RYR1: variants seen among roughly 807,000 people sequenced by gnomAD.
RYR1 encodes the protein central core disease of muscle.
A neutral mutation model predicts 583.5 loss-of-function variants in RYR1; 342 were observed. That is an observed-to-expected ratio of 0.59 (90% confidence interval 0.54 to 0.64). The LOEUF is 0.64. Among genes scored for constraint, RYR1 ranks in the 30% least tolerant of loss-of-function variants. The pLI, the probability that RYR1 is intolerant of heterozygous loss-of-function variation, is 0.00. For synonymous variants in RYR1, 2,791 were observed against 2,822.5 expected (o/e 0.99, Z 0.35); for missense variants, 6,032 against 6,917.2 (o/e 0.87, Z 4.54).
intron 58 of RYR1, among the ~76,000 whole-genome samples, chr19:38,509,667 C>G (rs1013823798): frequency 6.6e-6 from 1 of 151,854 alleles, no homozygotes; most frequent in African/African-American, 2.4e-5. Flanking sequence ...CCATGTTGGC[C>G]AGGATGGTCT....
chr19:38,538,018 G>A (rs1015303238), intron 84 of RYR1, 58 bp downstream of exon 84: 6 of 1,547,446 alleles, frequency 3.9e-6, no homozygotes, highest in East Asian at 2.2e-5. Context: ...GGTACGGAAG[G>A]GTTGACTGAA....
intron 76 of RYR1, among the ~76,000 whole-genome samples, 179 bp from the exon 77 acceptor site, chr19:38,532,311 C>T (rs747695591): frequency 2.2e-4 from 34 of 152,004 alleles, no homozygotes; most frequent in Non-Finnish European, 4.6e-4. Flanking sequence ...TTAGTAGAGA[C>T]GGGGTTTCAC....
chr19:38,469,537 C>T lies in RYR1; in HGVS notation c.3765+24C>T, dbSNP rs886038327. 1 of 1,602,958 alleles carries T rather than the reference C, an allele frequency of 6.2e-7. No homozygotes were observed. Among genetic ancestry groups the T allele is most frequent in the Non-Finnish European group, 8.5e-7 (1 of 1,170,390 alleles). On this transcript the variant is annotated intron_variant, in intron 27 of 105. Coordinates refer to ENST00000359596, the MANE Select transcript of RYR1 (RefSeq NM_000540.3). ...AGGTAAGGACTGAGCCCCTCAATGC[C>T]TTCTCATCTGCCTCCAAAGCTCCTT...
chr19:38,482,974 ACCCT>A, intron 31 of RYR1, 49 bp from the exon 32 acceptor site: 16 of 1,503,280 alleles, frequency 1.1e-5, no homozygotes, highest in Non-Finnish European at 1.5e-5. Context: ...TCCAGAGTCA[ACCCT>A]CCCTCCAGCC....
At position 38,477,826 on chromosome 19, in the gene RYR1, C is replaced by T. The variant is rs750478395; in HGVS notation, c.4410C>T (p.Val1470=). The change falls in exon 30 of 106, where the codon GTC becomes GTT. Residue 1470 remains valine, a synonymous_variant. Transcript: ENST00000359596. ...DMSFDLSKVR[V]VTVTMGDEQG... The stretch of plus-strand genomic sequence containing the variant: ...GCTTCGACCTCAGCAAGGTCCGGGT[C>T]GTGACGGTGACCATGGGGGATGAAC... The T allele has an allele frequency of 8.1e-6, 12 of 1,482,350 alleles. No homozygotes were observed. Among genetic ancestry groups the T allele is most frequent in the South Asian group, 2.2e-5 (2 of 89,200 alleles). 91.8% of individuals were successfully genotyped at this position (1,482,350 alleles called of 1,614,324 possible). A position where few individuals can be genotyped will look rare whatever the true frequency, so the allele number is the denominator to read the frequency against.
chr19:38,442,208 C>G, intron 2 of RYR1, 141 bp from the exon 3 acceptor site: 1 of 629,926 alleles, frequency 1.6e-6, no homozygotes. Flanking sequence ...TGGCAGAGGG[C>G]AGGGCCTTCC....
Position 38,465,554 on chromosome 19 carries a change from C to T in RYR1, c.2871-537C>T, listed in dbSNP as rs144146468. On this transcript the variant is annotated intron_variant, in intron 23 of 105. Transcript: ENST00000359596. ...CCGAGGCGGGCGGATCACCTGAGGT[C>T]GGGAATTCGAGACCAGCCTGACCAA... 7.6e-3 allele frequency among the ~76,000 whole-genome samples: 1,160 copies of T among 152,176 alleles called. 18 individuals carry two copies. The highest frequency in any genetic ancestry group is 0.026 in the African/African-American group (1,098 of 41,524).
Position 38,443,619 on chromosome 19 carries a change from C to T in RYR1, c.332C>T (p.Ala111Val). 1 of 1,614,106 alleles carries T rather than the reference C, an allele frequency of 6.2e-7. No homozygotes were observed. Among genetic ancestry groups the T allele is most frequent in the East Asian group, 2.2e-5 (1 of 44,872 alleles). ...LYGHAILLRH[A>V]HSRMYLSCLT... ...GGCCATGCCATCCTGCTCCGGCATG[C>T]ACACAGCCGCATGGTGAGTGCAACC... Residue 111 changes from alanine (A) to valine (V), a missense_variant, in exon 4 of 106, where the codon GCA becomes GTA. Physicochemically the swap from Ala to Val is moderately conservative, Grantham distance 64. This residue lies in a region of RYR1 where 338 missense variants were observed against 441.6 expected (regional missense o/e 0.77). Transcript: ENST00000359596.
At chr19:38,485,310 T>C (rs912881349) in intron 33 of RYR1, among the ~76,000 whole-genome samples, 1 of 152,016 alleles carries the variant, frequency 6.6e-6, no homozygotes, top group African/African-American at 2.4e-5. Context: ...TAGACCCAGC[T>C]CCACTGCCCT....
intron 57 of RYR1, among the ~76,000 whole-genome samples, chr19:38,507,469 G>A: frequency 6.7e-6 from 1 of 150,100 alleles, no homozygotes; most frequent in East Asian, 2.0e-4. Flanking sequence ...AGGGCCCGGG[G>A]AACAGAGGTG....
chr19:38,519,181 G>A (rs1364693035), intron 66 of RYR1, 33 bp from the exon 67 acceptor site: 1 of 1,613,854 alleles, frequency 6.2e-7, no homozygotes, highest in African/African-American at 1.3e-5. Flanking sequence ...TCAGAGGCCG[G>A]AGGTGGCATC....
chr19:38,557,442 T>C (rs1420943818), intron 89 of RYR1, among the ~76,000 whole-genome samples: 1 of 152,182 alleles, frequency 6.6e-6, no homozygotes, highest in Non-Finnish European at 1.5e-5. Context: ...CAGGGTGTGG[T>C]AAGCCCTGTA....
intron 101 of RYR1, among the ~76,000 whole-genome samples, chr19:38,580,898 CA>C (rs1325649205): frequency 1.4e-5 from 2 of 144,190 alleles, no homozygotes; most frequent in African/African-American, 5.3e-5. Flanking sequence ...ATGCCAGGCA[CA>C]TTTTTTTTTT....
rs150462947 is a variant in RYR1, at chr19:38,459,021, C to A, written c.2168-125C>A. ...AGAGCTACGGGAGCATCCAAGGGAGCACTTTCCATTAGGGTTTCCAGGATG... is the reference window on the plus strand; with the variant it reads ...AGAGCTACGGGAGCATCCAAGGGAGAACTTTCCATTAGGGTTTCCAGGATG... On this transcript the variant is annotated intron_variant, in intron 18 of 105. Transcript: ENST00000359596. The A allele has an allele frequency of 4.7e-5, 39 of 826,324 alleles. No homozygotes were observed. The African/African-American group carries it at 5.2e-4, about 11-fold the overall frequency. 51.2% of individuals were successfully genotyped at this position (826,324 alleles called of 1,614,324 possible).
chr19:38,523,970 A>G (rs376175369), intron 70 of RYR1, 41 bp downstream of exon 70: 9 of 1,612,168 alleles, frequency 5.6e-6, no homozygotes, highest in Non-Finnish European at 7.6e-6. Flanking sequence ...TCTCTTGGCT[A>G]ATGCCCTCTT....
At chr19:38,517,761 A>G (rs1192031416) in intron 66 of RYR1, 70 bp downstream of exon 66, 1 of 1,460,078 alleles carries the variant, frequency 6.8e-7, no homozygotes, top group East Asian at 2.3e-5. Context: ...GATGGTCTGA[A>G]AGGGAGACCC....
chr19:38,454,869 T>C lies in RYR1; in HGVS notation c.1441-366T>C, dbSNP rs1343111322. Among the ~76,000 whole-genome samples, 4 of 150,520 alleles carry C rather than the reference T, an allele frequency of 2.7e-5. No homozygotes were observed. The East Asian group carries it at 7.8e-4, about 29-fold the overall frequency. On this transcript the variant is annotated intron_variant, in intron 13 of 105. Transcript: ENST00000359596. Reference sequence around the variant, plus strand: ...TGGAGAATGAACTGGGCCTCTCCAGTTGGTGGGAGTGGGGTTCCAGTTGGA... The same window carrying C: ...TGGAGAATGAACTGGGCCTCTCCAGCTGGTGGGAGTGGGGTTCCAGTTGGA...
intron 58 of RYR1, among the ~76,000 whole-genome samples, chr19:38,508,059 G>A (rs1054565212): frequency 1.3e-5 from 2 of 152,160 alleles, no homozygotes; most frequent in Non-Finnish European, 2.9e-5. Context: ...CAGGCAATTA[G>A]CATCATAAAT....
In RYR1 at chr19:38,558,424, T is replaced by C. The variant is rs1568572411; in HGVS notation, c.12283-2689T>C. Among the ~76,000 whole-genome samples the C allele has an allele frequency of 2.0e-5, 3 of 152,220 alleles. No individual in the cohort carries two copies. In the South Asian group the frequency reaches 6.2e-4, roughly 32 times the overall value. On this transcript the variant is annotated intron_variant, in intron 89 of 105. Transcript: ENST00000359596. ...GCATTAACCCTGATGTGAGTACGTA[T>C]TGCATGCCTATATCAAAATAGTTCA...
Sources: allele counts gnomAD v4.1 joint callset (sites outside exome capture counted in the v4.1 genomes callset), GRCh38; gene constraint gnomAD v4.1.1; regional missense constraint gnomAD v4.1.1; transcripts MANE v1.5; gene names NCBI Gene and HGNC (gene_info 2026-07-23, HGNC 2026-07-21).